The following CELF6 variants were observed in gnomAD, a reference collection of about 807,000 sequenced individuals.
CELF6 encodes CUGBP Elav-like family member 6.
In CELF6, 32 loss-of-function variants were observed where a neutral mutation model predicts 53.1. That is an observed-to-expected ratio of 0.60 (90% confidence interval 0.46 to 0.81). The LOEUF (loss-of-function observed/expected upper bound fraction) is 0.81, where lower values mean the gene tolerates loss of function less well. Ranked by LOEUF, CELF6 falls within the 30% of genes least tolerant of loss-of-function variation. The pLI is 0.00. For synonymous variants in CELF6, 291 were observed against 288.8 expected (o/e 1.01, Z -0.08); for missense variants, 539 against 669.5 (o/e 0.81, Z 2.15).
intron 2 of CELF6, among the ~76,000 whole-genome samples, chr15:72,307,695 G>C (rs745884941): frequency 6.6e-6 from 1 of 152,244 alleles, no homozygotes; most frequent in Non-Finnish European, 1.5e-5. Flanking sequence ...TTGCACTGGA[G>C]TGCTGCTCAA....
intron 3 of CELF6, among the ~76,000 whole-genome samples, chr15:72,291,897 G>A (rs1280074708): frequency 6.6e-6 from 1 of 152,192 alleles, no homozygotes; most frequent in Non-Finnish European, 1.5e-5. Flanking sequence ...TTCTGATGGA[G>A]GAAAGAAGGT....
chr15:72,318,420 G>A (rs937937740), intron 1 of CELF6, among the ~76,000 whole-genome samples: 7 of 152,204 alleles, frequency 4.6e-5, no homozygotes, highest in African/African-American at 1.7e-4. Flanking sequence ...CTCTTAGGAA[G>A]ATCATGGAGG....
intron 3 of CELF6, among the ~76,000 whole-genome samples, chr15:72,302,328 A>C (rs1167116043): frequency 6.6e-6 from 1 of 152,218 alleles, no homozygotes; most frequent in Non-Finnish European, 1.5e-5. Flanking sequence ...TTTGGAGTGT[A>C]TGCTTCTTGA....
Position 72,302,692 on chromosome 15 carries a change from T to C in CELF6, c.394+2054A>G, listed in dbSNP as rs541518989. Reference sequence around the variant, plus strand: ...TCCATACAGCAGGAGTGCCCTAGCATTGTGGACTTAGTTCCTGAGCAAGAC... The same window carrying C: ...TCCATACAGCAGGAGTGCCCTAGCACTGTGGACTTAGTTCCTGAGCAAGAC... On this transcript the variant is annotated intron_variant, in intron 3 of 12. Coordinates refer to ENST00000287202, the MANE Select transcript of CELF6 (RefSeq NM_052840.5). Among the ~76,000 whole-genome samples, 6 of 152,266 alleles carry C rather than the reference T, an allele frequency of 3.9e-5. No homozygotes were observed. In the East Asian group the frequency reaches 1.2e-3, roughly 29 times the overall value.
intron 1 of CELF6, among the ~76,000 whole-genome samples, chr15:72,318,487 G>C (rs143275247): frequency 6.6e-6 from 1 of 152,188 alleles, no homozygotes; most frequent in African/African-American, 2.4e-5. Flanking sequence ...TGGTGGTGGT[G>C]GGGGAGGAGA....
rs2087981951 is a variant in CELF6 at position 72,289,881 on chromosome 15, G to A, written c.603+58C>T. The A allele has an allele frequency of 6.6e-7, 1 of 1,525,486 alleles. No homozygotes were observed. The highest frequency in any genetic ancestry group is 2.0e-5 in the Admixed American group (1 of 50,220). 94.5% of individuals were successfully genotyped at this position (1,525,486 alleles called of 1,614,324 possible). ...GCGGGGCACCGAGCACACTCGGGGAGGAGAAGCCCGTCCCCACCCCACTGG... is the reference window on the plus strand; with the variant it reads ...GCGGGGCACCGAGCACACTCGGGGAAGAGAAGCCCGTCCCCACCCCACTGG... On this transcript the variant is annotated intron_variant, in intron 5 of 12. Coordinates refer to ENST00000287202, the MANE Select transcript of CELF6 (RefSeq NM_052840.5). This position sits in a 1 kb window ranked among gnomAD's most constrained non-coding sequence, Gnocchi z 7.6.
At position 72,289,087 on chromosome 15, in the gene CELF6, C is replaced by CCCCGCT; in HGVS notation, c.1030+45_1030+50dup. Reference sequence around the variant, plus strand: ...GGAAGCCAGGCCCTAACCCCCCACCCCCCGCTCCCCACTCCATTTCGGGGG... The same window carrying CCCCGCT: ...GGAAGCCAGGCCCTAACCCCCCACCCCCCGCTCCCGCTCCCCACTCCATTTCGGGGG... On this transcript the variant is annotated intron_variant, in intron 8 of 12. Transcript: ENST00000287202. The surrounding 1 kb of genome is among the most constrained non-coding windows in gnomAD (Gnocchi z 7.6). 7.1e-7 allele frequency: 1 copy of CCCCGCT among 1,417,570 alleles called. No individual in the cohort carries two copies. The highest frequency in any genetic ancestry group is 9.4e-7 in the Non-Finnish European group (1 of 1,063,038). 87.8% of individuals were successfully genotyped at this position (1,417,570 alleles called of 1,614,324 possible). A position where few individuals can be genotyped will look rare whatever the true frequency, so the allele number is the denominator to read the frequency against.
Position 72,289,452 on chromosome 15 carries a change from G to A in CELF6, c.803C>T (p.Pro268Leu), listed in dbSNP as rs1455358339. 1 of 1,540,604 alleles carries A rather than the reference G, an allele frequency of 6.5e-7. No homozygotes were observed. The highest frequency in any genetic ancestry group is 1.2e-5 in the South Asian group (1 of 84,428). ...CATCTGGGCCGCCACTGCCGCCACC[G>A]GGCCTAGGCCTGGGCCCTGTGCCGC... Reference protein sequence around the residue: ...LAAAQGPGLGPVAAVAAQMQH... With the variant: ...LAAAQGPGLGLVAAVAAQMQH... The change falls in exon 7 of 13, where the codon CCG becomes CTG. Residue 268 changes from proline to leucine, a missense_variant. Coordinates refer to ENST00000287202, the MANE Select transcript of CELF6 (RefSeq NM_052840.5). The surrounding 1 kb of genome is among the most constrained non-coding windows in gnomAD (Gnocchi z 7.6).
chr15:72,306,443 G>T, intron 2 of CELF6: 1 of 239,130 alleles, frequency 4.2e-6, no homozygotes, highest in Non-Finnish European at 6.5e-6. Flanking sequence ...GCAGCTTCCT[G>T]TTACCATAGC....
chr15:72,319,982 G>T lies in CELF6; in HGVS notation c.-108C>A. 1 of 1,270,208 alleles carries T rather than the reference G, an allele frequency of 7.9e-7. No homozygotes were observed. Among genetic ancestry groups the T allele is most frequent in the Non-Finnish European group, 1.0e-6 (1 of 984,244 alleles). The allele number at this position is 1,270,208 out of a possible 1,614,324, so 78.7% of individuals were successfully genotyped here. Reference sequence around the variant, plus strand: ...AGGGGGAGGGGGCGGAGCCCGGGCGGAGAGGGCGGGGGGCTGCCCAGGGGG... The same window carrying T: ...AGGGGGAGGGGGCGGAGCCCGGGCGTAGAGGGCGGGGGGCTGCCCAGGGGG... On this transcript the variant is annotated 5_prime_UTR_variant, in exon 1 of 13. Transcript: ENST00000287202. This position sits in a 1 kb window ranked among gnomAD's most constrained non-coding sequence, Gnocchi z 5.0.
intron 1 of CELF6, 108 bp from the exon 2 acceptor site, chr15:72,316,035 G>T (rs2088359854): frequency 5.7e-6 from 4 of 695,960 alleles, no homozygotes; most frequent in Non-Finnish European, 9.5e-6. Context: ...TTTAAGCAAG[G>T]ACTCTGCTTT....
At chr15:72,313,317 C>G (rs998018064) in intron 2 of CELF6, among the ~76,000 whole-genome samples, 3 of 152,208 alleles carry the variant, frequency 2.0e-5, no homozygotes, top group East Asian at 1.9e-4. Flanking sequence ...CTTATTTAGG[C>G]CTGGTGCGGT....
intron 2 of CELF6, among the ~76,000 whole-genome samples, chr15:72,315,554 C>A (rs147965641): frequency 6.6e-6 from 1 of 152,198 alleles, no homozygotes; most frequent in African/African-American, 2.4e-5. Flanking sequence ...ACACCCAAAG[C>A]CATAATTTTA....
Position 72,304,889 on chromosome 15 carries a change from C to T in CELF6, c.346-95G>A, listed in dbSNP as rs2088206782. 3 of 1,130,946 alleles carry T rather than the reference C, an allele frequency of 2.7e-6. No homozygotes were observed. In the Admixed American group the frequency reaches 5.6e-5, roughly 21 times the overall value. The allele number at this position is 1,130,946 out of a possible 1,614,324, so 70.1% of individuals were successfully genotyped here. A position where few individuals can be genotyped will look rare whatever the true frequency, so the allele number is the denominator to read the frequency against. Reference sequence around the variant, plus strand: ...CCCTGGACTCCTCAGGATCTGAGCCCTAGCCCCTTTGAACTCTGCACTCTA... The same window carrying T: ...CCCTGGACTCCTCAGGATCTGAGCCTTAGCCCCTTTGAACTCTGCACTCTA... On this transcript the variant is annotated intron_variant, in intron 2 of 12. Transcript: ENST00000287202.
intron 3 of CELF6, among the ~76,000 whole-genome samples, chr15:72,300,569 C>T (rs1425079487): frequency 6.6e-6 from 1 of 152,128 alleles, no homozygotes; most frequent in Non-Finnish European, 1.5e-5. Flanking sequence ...CGTGGTGGCT[C>T]ACACCTGTAA....
chr15:72,307,812 T>G (rs948647296), intron 2 of CELF6, among the ~76,000 whole-genome samples: 2 of 151,718 alleles, frequency 1.3e-5, no homozygotes, highest in African/African-American at 4.8e-5. Flanking sequence ...GCTGAAGAGG[T>G]TGACTGAGGA....
chr15:72,310,192 T>C (rs1349254294), intron 2 of CELF6, among the ~76,000 whole-genome samples: 1 of 152,040 alleles, frequency 6.6e-6, no homozygotes, highest in Admixed American at 6.6e-5. Context: ...ATGGGAAGAG[T>C]TTATCAGAAC....
At chr15:72,307,535 C>T (rs139206239) in intron 2 of CELF6, among the ~76,000 whole-genome samples, 143 of 152,322 alleles carry the variant, frequency 9.4e-4, no homozygotes, top group African/African-American at 3.0e-3. Context: ...TCCTTCCAAC[C>T]ACTCTTCAAG....
Position 72,289,760 on chromosome 15 carries a change from G to A in CELF6, c.614C>T (p.Ser205Phe). 6.9e-7 allele frequency: 1 copy of A among 1,455,424 alleles called. No homozygotes were observed. The highest frequency in any genetic ancestry group is 9.0e-7 in the Non-Finnish European group (1 of 1,110,492). 90.2% of individuals were successfully genotyped at this position (1,455,424 alleles called of 1,614,324 possible). A position where few individuals can be genotyped will look rare whatever the true frequency, so the allele number is the denominator to read the frequency against. The change falls in exon 6 of 13, where the codon TCC becomes TTC. Residue 205 changes from serine to phenylalanine, a missense_variant. Coordinates refer to ENST00000287202, the MANE Select transcript of CELF6 (RefSeq NM_052840.5). The surrounding 1 kb of genome is among the most constrained non-coding windows in gnomAD (Gnocchi z 7.6). ...GTCCGCCAGCTTGACCACGAGGCTG[G>A]ACGAGGCGCCCTGGGCAGGGCAGGG... ...HGSRTMAGASSSLVVKLADTD... is the reference protein window; with the variant it reads ...HGSRTMAGASFSLVVKLADTD...
Sources: allele counts gnomAD v4.1 joint callset (sites outside exome capture counted in the v4.1 genomes callset), GRCh38; gene constraint gnomAD v4.1.1; non-coding constraint Gnocchi (gnomAD v3.1); transcripts MANE v1.5; gene names NCBI Gene and HGNC (gene_info 2026-07-23, HGNC 2026-07-21).